RTL4: variants seen among roughly 807,000 people sequenced by gnomAD.
The protein encoded by RTL4 is retrotransposon Gag-like protein 4.
A neutral mutation model predicts 5.3 loss-of-function variants in RTL4; 4 were observed. The observed-to-expected ratio is 0.75, with a 90% CI of 0.37 to 1.72. The LOEUF is 1.72. RTL4 is among the 40% of genes most tolerant of loss of function. RTL4 has a pLI of 0.04. For synonymous variants in RTL4, 98 were observed against 87.3 expected, an observed-to-expected ratio of 1.12 and a Z score of -0.68; for missense variants, 260 against 227.1, an observed-to-expected ratio of 1.14 and a Z score of -0.93.
At chrX:112,135,318 T>C in the RTL4 span, among the ~76,000 whole-genome samples, 1 of 111,996 alleles carries the variant, frequency 8.9e-6, no homozygotes, top group African/African-American at 3.2e-5. Context: ...GTTAAGCATC[T>C]TTTCATGTAC....
At chrX:112,110,046 G>A in the RTL4 span, among the ~76,000 whole-genome samples, 4 of 112,133 alleles carry the variant, frequency 3.6e-5, no homozygotes, top group Non-Finnish European at 5.6e-5. Flanking sequence ...GCGAGTAATA[G>A]CAAGATGGAT....
the RTL4 span, among the ~76,000 whole-genome samples, chrX:112,448,079 T>C: frequency 8.9e-6 from 1 of 112,069 alleles, no homozygotes; most frequent in African/African-American, 3.2e-5. Flanking sequence ...CTAGGTTCTG[T>C]CATCTCATCA....
the RTL4 span, among the ~76,000 whole-genome samples, chrX:112,185,395 A>ATATG: frequency 2.0e-5 from 2 of 100,721 alleles, no homozygotes; most frequent in Non-Finnish European, 3.9e-5. Flanking sequence ...ATATATATAT[A>ATATG]TATATATACA....
At chrX:112,132,918 G>A in the RTL4 span, among the ~76,000 whole-genome samples, 3 of 112,406 alleles carry the variant, frequency 2.7e-5, no homozygotes, top group Non-Finnish European at 5.6e-5. Flanking sequence ...TTTGCCTTGA[G>A]TATTTGAATG....
the RTL4 span, among the ~76,000 whole-genome samples, chrX:112,409,461 G>A: frequency 9.0e-6 from 1 of 111,160 alleles, no homozygotes; most frequent in Non-Finnish European, 1.9e-5. Flanking sequence ...TGGCTCACGC[G>A]TGTAATCCCC....
chrX:112,121,251 A>G, the RTL4 span, among the ~76,000 whole-genome samples: 10 of 111,901 alleles, frequency 8.9e-5, no homozygotes, highest in Non-Finnish European at 1.9e-4. Context: ...AACCATGACT[A>G]TGAAAATGAA....
chrX:112,444,250 T>C, the RTL4 span, among the ~76,000 whole-genome samples: 2 of 111,796 alleles, frequency 1.8e-5, no homozygotes, highest in Non-Finnish European at 3.8e-5. Context: ...ATGAACTCAC[T>C]GTAGGTGTGT....
the RTL4 span, among the ~76,000 whole-genome samples, chrX:112,255,161 T>C: frequency 8.9e-6 from 1 of 111,989 alleles, no homozygotes; most frequent in Non-Finnish European, 1.9e-5. Context: ...CCACATTTTT[T>C]TGATACATAT....
chrX:112,095,746 C>T, the RTL4 span, among the ~76,000 whole-genome samples: 1 of 111,050 alleles, frequency 9.0e-6, no homozygotes, highest in Non-Finnish European at 1.9e-5. Context: ...TGATACTGAC[C>T]AAGTCAAGGG....
the RTL4 span, among the ~76,000 whole-genome samples, chrX:112,444,108 T>C: frequency 8.9e-6 from 1 of 111,964 alleles, no homozygotes; most frequent in African/African-American, 3.2e-5. Context: ...CATTTTTATT[T>C]AATTTTTATA....
the RTL4 span, among the ~76,000 whole-genome samples, chrX:112,431,527 A>G: frequency 9.0e-6 from 1 of 110,519 alleles, no homozygotes; most frequent in East Asian, 2.9e-4. Context: ...CTACTGCAGC[A>G]CTGGTTCCTA....
At chrX:112,172,617 G>A in the RTL4 span, among the ~76,000 whole-genome samples, 716 of 111,000 alleles carry the variant, frequency 6.5e-3, 3 homozygotes, top group African/African-American at 0.022. Flanking sequence ...CAAAGATCTA[G>A]AAGCAGAAAT....
At chrX:112,285,661 C>T in the RTL4 span, among the ~76,000 whole-genome samples, 2 of 111,323 alleles carry the variant, frequency 1.8e-5, no homozygotes, top group Non-Finnish European at 3.8e-5. Context: ...GTCCTGGATC[C>T]TCACCTTTTT....
the RTL4 span, among the ~76,000 whole-genome samples, chrX:112,187,560 T>G: frequency 4.5e-3 from 504 of 111,629 alleles, 3 homozygotes; most frequent in African/African-American, 0.015. Context: ...TTATCTAGAC[T>G]GAATCAAATT....
chrX:112,341,706 C>T, the RTL4 span, among the ~76,000 whole-genome samples: 17 of 111,609 alleles, frequency 1.5e-4, no homozygotes, highest in East Asian at 2.8e-4. Flanking sequence ...TATATTATCA[C>T]GTTTATATAC....
chrX:112,134,773 T>A, the RTL4 span, among the ~76,000 whole-genome samples: 1 of 112,281 alleles, frequency 8.9e-6, no homozygotes, highest in African/African-American at 3.2e-5. Flanking sequence ...CTAGTTTATA[T>A]TTCCTAGATT....
chrX:112,226,496 G>A, the RTL4 span, among the ~76,000 whole-genome samples: 4 of 111,471 alleles, frequency 3.6e-5, no homozygotes, highest in Non-Finnish European at 7.5e-5. Context: ...GGGATATAAT[G>A]ACAAGAACAA....
the RTL4 span, among the ~76,000 whole-genome samples, chrX:112,438,381 C>T: frequency 8.9e-6 from 1 of 112,111 alleles, no homozygotes; most frequent in Admixed American, 9.4e-5. Flanking sequence ...TTCGAGGCAA[C>T]AGTACTACAG....
the RTL4 span, among the ~76,000 whole-genome samples, chrX:112,288,718 C>A: frequency 9.0e-6 from 1 of 111,525 alleles, no homozygotes; most frequent in Admixed American, 9.5e-5. Context: ...TTCTGGGACC[C>A]AGGCTAATGG....
Sources: gnomAD v4.1 joint callset for allele counts (sites outside exome capture counted in the v4.1 genomes callset) on GRCh38, gnomAD v4.1.1 for gene constraint, MANE v1.5 for transcripts, NCBI Gene and HGNC (gene_info 2026-07-23, HGNC 2026-07-21) for gene names.